The following DNMBP variants were observed in gnomAD, a reference collection of about 807,000 sequenced individuals.
DNMBP encodes dynamin-binding protein.
In DNMBP, 87 loss-of-function variants were observed where a neutral mutation model predicts 150.0. That is an observed-to-expected ratio of 0.58 (90% CI 0.49 to 0.69). The LOEUF is 0.69. DNMBP is among the 30% of genes least tolerant of loss of function. The pLI is 0.00. For missense variants in DNMBP, 1,774 were observed against 1,949.0 expected (o/e 0.91, Z 1.69); for synonymous variants, 711 against 750.4 (o/e 0.95, Z 0.86).
chr10:99,891,692 G>A (rs2039564370), intron 11 of DNMBP, among the ~76,000 whole-genome samples: 2 of 149,832 alleles, frequency 1.3e-5, no homozygotes, highest in Admixed American at 6.6e-5. Context: ...AGTGAGGAGC[G>A]TCTCTGCCCG....
rs1384727764 is a variant in DNMBP at position 99,956,056 on chromosome 10, T to C, written c.1418A>G (p.Lys473Arg). The change falls in exon 4 of 17, where the codon AAG (lysine) becomes AGG (arginine). Residue 473 changes from lysine (K) to arginine (R), a missense_variant. By Grantham distance (26) the Lys-to-Arg change is conservative (BLOSUM62 2). Coordinates refer to ENST00000324109, the MANE Select transcript of DNMBP (RefSeq NM_015221.4). ...GCCCCTGTAAAGAGGGAGCACTGGC[T>C]TCTGAAGAGTTTTTAGCTGGGAATA... Reference protein sequence around the residue: ...RMYSQLKTLQKPVLPLYRGSS... With the variant: ...RMYSQLKTLQRPVLPLYRGSS... 1.9e-6 allele frequency: 3 copies of C among 1,614,086 alleles called. No homozygotes were observed. The African/African-American group carries it at 4.0e-5, about 22-fold the overall frequency.
chr10:99,985,323 A>T (rs74681233), intron 1 of DNMBP, among the ~76,000 whole-genome samples: 3,769 of 152,292 alleles, frequency 0.025, 93 homozygotes, highest in African/African-American at 0.066. Flanking sequence ...CAGCCACTAT[A>T]CTTGAAAATA....
Position 99,881,775 on chromosome 10 carries a change from G to A in DNMBP, c.3998-1414C>T, listed in dbSNP as rs1209799428. Among the ~76,000 whole-genome samples the A allele has an allele frequency of 3.9e-5, 6 of 152,108 alleles. No individual in the cohort carries two copies. The South Asian group carries it at 1.0e-3, about 26-fold the overall frequency. On this transcript the variant is annotated intron_variant, in intron 15 of 16. Transcript: ENST00000324109. ...CTTCGTGTCCCACTTTTAATCTCTCGTTCTGTGTAAGCAGAAGTGGGGAGA... is the reference window on the plus strand; with the variant it reads ...CTTCGTGTCCCACTTTTAATCTCTCATTCTGTGTAAGCAGAAGTGGGGAGA...
At chr10:99,960,168 T>A (rs2040548007) in intron 3 of DNMBP, among the ~76,000 whole-genome samples, 1 of 152,194 alleles carries the variant, frequency 6.6e-6, no homozygotes, top group Non-Finnish European at 1.5e-5. Flanking sequence ...AAATTAAAAT[T>A]CAGTTCTATA....
intron 1 of DNMBP, among the ~76,000 whole-genome samples, chr10:99,983,541 G>C (rs2040799664): frequency 6.6e-6 from 1 of 152,212 alleles, no homozygotes. Flanking sequence ...ACTAGCAACA[G>C]ATGAGGGAAA....
chr10:99,964,885 A>AATATAT (rs67147502), intron 3 of DNMBP, among the ~76,000 whole-genome samples: 1 of 135,968 alleles, frequency 7.4e-6, no homozygotes, highest in Non-Finnish European at 1.6e-5. Flanking sequence ...AAAAAAAAAA[A>AATATAT]ATATATATAT....
At chr10:99,896,816 G>C (rs1163416898) in intron 9 of DNMBP, among the ~76,000 whole-genome samples, 2 of 152,188 alleles carry the variant, frequency 1.3e-5, no homozygotes, top group Non-Finnish European at 2.9e-5. Flanking sequence ...GTCTCCCATA[G>C]TAAAATGCTA....
At chr10:99,960,368 G>C (rs1364276864) in intron 3 of DNMBP, among the ~76,000 whole-genome samples, 1 of 152,076 alleles carries the variant, frequency 6.6e-6, no homozygotes, top group Non-Finnish European at 1.5e-5. Flanking sequence ...CAAGTCAGAG[G>C]TGCTCAAGGA....
At chr10:99,941,635 AT>A (rs1485423995) in intron 4 of DNMBP, among the ~76,000 whole-genome samples, 1 of 151,478 alleles carries the variant, frequency 6.6e-6, no homozygotes. Flanking sequence ...TGCCCGGCTA[AT>A]TTTGTATTTT....
intron 15 of DNMBP, among the ~76,000 whole-genome samples, chr10:99,880,717 G>GA (rs2039354297): frequency 6.6e-6 from 1 of 152,248 alleles, no homozygotes; most frequent in African/African-American, 2.4e-5. Flanking sequence ...CATGGGAAGA[G>GA]AATGTCATAG....
At chr10:99,981,165 G>T (rs1019768997) in intron 1 of DNMBP, among the ~76,000 whole-genome samples, 1 of 152,028 alleles carries the variant, frequency 6.6e-6, no homozygotes, top group Admixed American at 6.6e-5. Context: ...GTGAAAGAAG[G>T]CCTGGAGGAC....
At chr10:100,001,139 G>A (rs1440991725) in intron 1 of DNMBP, among the ~76,000 whole-genome samples, 1 of 145,932 alleles carries the variant, frequency 6.9e-6, no homozygotes, top group Admixed American at 7.0e-5. Flanking sequence ...GCTAAGGCAG[G>A]AGAATTGCTT....
intron 4 of DNMBP, among the ~76,000 whole-genome samples, chr10:99,919,832 T>C (rs2040003437): frequency 6.6e-6 from 1 of 152,228 alleles, no homozygotes. Flanking sequence ...CTCTAAAGCA[T>C]TCTGTAGTTT....
chr10:100,008,331 T>C (rs1040444348), intron 1 of DNMBP, among the ~76,000 whole-genome samples: 1 of 152,222 alleles, frequency 6.6e-6, no homozygotes, highest in Non-Finnish European at 1.5e-5. Context: ...TAAAAGTCAA[T>C]TTATCACATT....
intron 1 of DNMBP, among the ~76,000 whole-genome samples, chr10:99,978,266 T>C (rs2040749239): frequency 6.6e-6 from 1 of 152,224 alleles, no homozygotes. Context: ...TTAAACTTCA[T>C]TGGTTCTTCC....
At chr10:99,933,508 T>C (rs1208985100) in intron 4 of DNMBP, among the ~76,000 whole-genome samples, 2 of 136,538 alleles carry the variant, frequency 1.5e-5, no homozygotes, top group African/African-American at 5.4e-5. Context: ...CTTTATTATA[T>C]GGGTTCAGGG....
chr10:100,004,597 A>C (rs1441332964), intron 1 of DNMBP, among the ~76,000 whole-genome samples: 4 of 152,182 alleles, frequency 2.6e-5, no homozygotes, highest in African/African-American at 4.8e-5. Context: ...TGGGTCATTA[A>C]ATGGAGAAAA....
At chr10:99,936,040 T>G (rs1197948709) in intron 4 of DNMBP, among the ~76,000 whole-genome samples, 1 of 152,042 alleles carries the variant, frequency 6.6e-6, no homozygotes. Context: ...GGGTACTGAG[T>G]GAGAAGGAAA....
chr10:99,886,796 TCACTAGCCTCTACTTAAATACTCCA>T (rs1390536765), intron 12 of DNMBP, among the ~76,000 whole-genome samples, 164 bp from the exon 13 acceptor site: 3 of 152,074 alleles, frequency 2.0e-5, no homozygotes, highest in African/African-American at 7.2e-5. Flanking sequence ...TACTAACCCA[TCACTAGCCTCTACTTAAATACTCCA>T]CAAGACTTCT....
Sources: gnomAD v4.1 joint callset for allele counts (sites outside exome capture counted in the v4.1 genomes callset) on GRCh38, gnomAD v4.1.1 for gene constraint, MANE v1.5 for transcripts, NCBI Gene and HGNC (gene_info 2026-07-23, HGNC 2026-07-21) for gene names.